The following CCDC171 variants were observed in gnomAD, a reference collection of about 807,000 sequenced individuals.
The protein encoded by CCDC171 is coiled-coil domain containing 171.
CCDC171 carries 177 observed loss-of-function variants against 168.2 expected under a neutral mutation model. That is an observed-to-expected ratio of 1.05 (90% confidence interval 0.93 to 1.19). CCDC171 has a LOEUF of 1.19. CCDC171 is among the 50% of genes most tolerant of loss of function. The pLI is 0.00. For missense variants in CCDC171, 1,991 were observed against 1,539.0 expected, an observed-to-expected ratio of 1.29 and a Z score of -4.91; for synonymous variants, 687 against 540.8, an observed-to-expected ratio of 1.27 and a Z score of -3.75.
intron 21 of CCDC171, among the ~76,000 whole-genome samples, chr9:15,792,804 G>A (rs1259994725): frequency 2.0e-5 from 3 of 152,226 alleles, no homozygotes; most frequent in Middle Eastern, 3.4e-3. Context: ...GGCCTGCCCT[G>A]CAAGAGCTCC....
At chr9:15,895,403 A>T (rs377452546) in intron 24 of CCDC171, among the ~76,000 whole-genome samples, 58 of 152,242 alleles carry the variant, frequency 3.8e-4, no homozygotes, top group African/African-American at 1.3e-3. Flanking sequence ...TCAAAAATTC[A>T]TAAGAACATT....
chr9:16,038,500 T>C (rs1027998258), upstream of CCDC171, among the ~76,000 whole-genome samples: 6 of 152,162 alleles, frequency 3.9e-5, no homozygotes, highest in Admixed American at 3.9e-4. Context: ...CAAAGTCAAG[T>C]ATGTGTGTTA....
At chr9:15,885,622 G>C (rs1012314684) in intron 24 of CCDC171, 1 of 152,128 alleles carries the variant, frequency 6.6e-6, no homozygotes, top group African/African-American at 2.4e-5. Flanking sequence ...TTTGCTGATT[G>C]ATTTCATTTG....
At chr9:15,920,244 A>C (rs781355652) in intron 24 of CCDC171, 26 bp from the exon 25 acceptor site, 1 of 1,480,550 alleles carries the variant, frequency 6.8e-7, no homozygotes, top group South Asian at 1.3e-5. Context: ...TTTGAATTAT[A>C]TGTGACATTA....
rs560684305 is a variant in CCDC171, at chr9:15,986,494, A to C, written n.369-34095A>C. On this transcript the variant is annotated intron_variant and non_coding_transcript_variant, in intron 3 of 9. Coordinates refer to the CCDC171 transcript ENST00000486641. ...TAACAGCAACAGGCTTTGAAATGCA[A>C]AGCCTTCCTTCAGTTATGCGCTCAT... Among the ~76,000 whole-genome samples the C allele has an allele frequency of 1.9e-3, 292 of 152,300 alleles. 2 individuals are homozygous for C. Among genetic ancestry groups the C allele is most frequent in the African/African-American group, 6.2e-3 (258 of 41,578 alleles).
intron 24 of CCDC171, among the ~76,000 whole-genome samples, chr9:15,914,212 G>C (rs1824144429): frequency 6.6e-6 from 1 of 152,184 alleles, no homozygotes; most frequent in Non-Finnish European, 1.5e-5. Flanking sequence ...CTGACAGGCA[G>C]GAACGTTTAA....
At chr9:15,831,022 C>T (rs1048264848) in intron 21 of CCDC171, among the ~76,000 whole-genome samples, 8 of 137,238 alleles carry the variant, frequency 5.8e-5, no homozygotes, top group Admixed American at 3.3e-4. Flanking sequence ...CAGGCTGGAG[C>T]GCAGTGGCAC....
rs577879659 is a variant in CCDC171 at position 15,994,302 on chromosome 9, T to C, written n.369-26287T>C. The stretch of plus-strand genomic sequence containing the variant: ...TCCTTTGTAGGGACATGGATGAAGC[T>C]GGAAACCATCATTCTCAGCAAACTA... On this transcript the variant is annotated intron_variant and non_coding_transcript_variant, in intron 3 of 9. Coordinates refer to the CCDC171 transcript ENST00000486641. Among the ~76,000 whole-genome samples, 3 of 152,260 alleles carry C rather than the reference T, an allele frequency of 2.0e-5. No homozygotes were observed. The South Asian group carries it at 6.2e-4, about 32-fold the overall frequency.
chr9:15,941,470 G>A (rs1827725452), intron 25 of CCDC171, among the ~76,000 whole-genome samples: 1 of 151,778 alleles, frequency 6.6e-6, no homozygotes, highest in Admixed American at 6.6e-5. Flanking sequence ...AAAAAACACT[G>A]AGTTTGAAAT....
chr9:15,945,759 C>G (rs1033097399), intron 25 of CCDC171, among the ~76,000 whole-genome samples: 1 of 151,750 alleles, frequency 6.6e-6, no homozygotes, highest in Non-Finnish European at 1.5e-5. Flanking sequence ...TGTTTGAGTT[C>G]ATTGTAGATT....
chr9:15,623,473 G>GCACACACACACACACACA (rs1310330705), intron 7 of CCDC171, 60 bp downstream of exon 7: 114 of 464,680 alleles, frequency 2.5e-4, no homozygotes, highest in African/African-American at 1.9e-3. Context: ...ATGCGCGCGC[G>GCACACACACACACACACA]CGCACACACA....
rs964190827 is a variant in CCDC171, at chr9:15,993,683, G to A, written n.369-26906G>A. Among the ~76,000 whole-genome samples, 9 of 152,250 alleles carry A rather than the reference G, an allele frequency of 5.9e-5. No individual in the cohort carries two copies. In the South Asian group the frequency reaches 1.9e-3, roughly 32 times the overall value. On this transcript the variant is annotated intron_variant and non_coding_transcript_variant, in intron 3 of 9. Transcript: ENST00000486641. ...ACCTACAGAATGGAAGAAAATTTTT[G>A]CAATCTACTCATCTGACAAAGGGCT...
At chr9:16,025,442 G>C (rs566259126) in intron 6 of CCDC171, among the ~76,000 whole-genome samples, 108 of 152,290 alleles carry the variant, frequency 7.1e-4, no homozygotes, top group African/African-American at 2.4e-3. Context: ...CTGGGTGACA[G>C]AGTGAGGCTT....
At chr9:15,914,584 C>T (rs1259006772) in intron 24 of CCDC171, among the ~76,000 whole-genome samples, 1 of 152,146 alleles carries the variant, frequency 6.6e-6, no homozygotes, top group African/African-American at 2.4e-5. Context: ...TTGCTGGGTT[C>T]CATGGGGGCG....
At chr9:15,639,083 A>G (rs1047683346) in intron 7 of CCDC171, among the ~76,000 whole-genome samples, 2 of 152,074 alleles carry the variant, frequency 1.3e-5, no homozygotes, top group African/African-American at 2.4e-5. Flanking sequence ...AAAAGGTAGC[A>G]TCTTTCTCTA....
chr9:15,793,106 T>A (rs1371563274), intron 21 of CCDC171, among the ~76,000 whole-genome samples: 1 of 151,378 alleles, frequency 6.6e-6, no homozygotes, highest in Non-Finnish European at 1.5e-5. Flanking sequence ...ACACATAGGC[T>A]CAAAATAAAG....
At chr9:15,885,932 T>C (rs1158464025) in intron 24 of CCDC171, 1 of 152,190 alleles carries the variant, frequency 6.6e-6, no homozygotes, top group African/African-American at 2.4e-5. Context: ...CTCAAATATA[T>C]GTTTTCATTA....
chr9:15,590,698 A>G lies in CCDC171; in HGVS notation c.353-668A>G, dbSNP rs866319829. Among the ~76,000 whole-genome samples the G allele has an allele frequency of 7.9e-5, 12 of 152,326 alleles. No individual in the cohort carries two copies. The Middle Eastern group carries it at 0.01, about 130-fold the overall frequency. ...TCAATAGTCAAATATAAAAATTTGT[A>G]ATCTACTCTTTTTAAAAACTTGCCC... On this transcript the variant is annotated intron_variant, in intron 4 of 25. Coordinates refer to ENST00000380701, the MANE Select transcript of CCDC171 (RefSeq NM_173550.4).
the CCDC171 span, among the ~76,000 whole-genome samples, chr9:16,075,234 A>G: frequency 0.17 from 26,197 of 152,022 alleles, 2,793 homozygotes; most frequent in African/African-American, 0.3. Context: ...CTCATATTTC[A>G]GCACCCTAAT....
Sources: gnomAD v4.1 joint callset for allele counts (sites outside exome capture counted in the v4.1 genomes callset) on GRCh38, gnomAD v4.1.1 for gene constraint, MANE v1.5 for transcripts, NCBI Gene and HGNC (gene_info 2026-07-23, HGNC 2026-07-21) for gene names.